Variants in ZHX3 observed in about 807,000 individuals in gnomAD.
The protein encoded by ZHX3 is zinc fingers and homeoboxes protein 3.
A neutral mutation model predicts 64.5 loss-of-function variants in ZHX3; 20 were observed. The ratio of observed to expected loss-of-function variants is 0.31; its 90% confidence interval spans 0.22 to 0.45. ZHX3 has a LOEUF of 0.45. Ranked by LOEUF, ZHX3 falls within the 20% of genes least tolerant of loss-of-function variation. The pLI, the probability that ZHX3 is intolerant of heterozygous loss-of-function variation, is 1.00. For missense variants in ZHX3, 1,041 were observed against 1,195.8 expected, an observed-to-expected ratio of 0.87 and a Z score of 1.91; for synonymous variants, 423 against 461.6, an observed-to-expected ratio of 0.92 and a Z score of 1.07.
chr20:41,203,999 A>G lies in ZHX3; in HGVS notation c.918T>C (p.Ile306=). Residue 306 remains isoleucine (I), a synonymous_variant, in exon 3 of 4, where the codon ATT becomes ATC. Coordinates refer to ENST00000683867, the MANE Select transcript of ZHX3 (RefSeq NM_001384317.1). The surrounding 1 kb of genome is among the most constrained non-coding windows in gnomAD (Gnocchi z 7.1). ...LPKVMIPLSS[I]PTYNAAMDSN... is the part of the protein sequence containing the mutation. ...AGTCCATGGCTGCATTGTACGTTGG[A>G]ATGCTGCTCAGGGGGATCATCACTT... is the stretch of plus-strand genomic sequence containing the variant. 3 of 1,614,184 alleles carry G rather than the reference A, an allele frequency of 1.9e-6. No homozygotes were observed. Among genetic ancestry groups the G allele is most frequent in the Non-Finnish European group, 2.5e-6 (3 of 1,180,034 alleles).
intron 1 of ZHX3, among the ~76,000 whole-genome samples, chr20:41,276,903 C>A (rs1328861788): frequency 2.0e-5 from 3 of 152,200 alleles, no homozygotes; most frequent in Admixed American, 2.0e-4. Context: ...GATATTCACA[C>A]AATAGAATAC....
At chr20:41,252,853 C>A (rs2042055918) in intron 2 of ZHX3, among the ~76,000 whole-genome samples, 1 of 152,150 alleles carries the variant, frequency 6.6e-6, no homozygotes, top group South Asian at 2.1e-4. Flanking sequence ...CCATTAAAGT[C>A]AAAACTGAAA....
chr20:41,189,532 T>C (rs577321110), intron 3 of ZHX3, among the ~76,000 whole-genome samples: 1 of 152,224 alleles, frequency 6.6e-6, no homozygotes, highest in Non-Finnish European at 1.5e-5. Context: ...CAGTTTTCCT[T>C]GCAGAGATCT....
At position 41,184,853 on chromosome 20, in the gene ZHX3, C is replaced by A. The variant is rs1417978628; in HGVS notation, c.*338G>T. 1.4e-6 allele frequency: 2 copies of A among 1,454,006 alleles called. No individual in the cohort carries two copies. The highest frequency in any genetic ancestry group is 9.1e-7 in the Non-Finnish European group (1 of 1,099,532). The allele number at this position is 1,454,006 out of a possible 1,614,324, so 90.1% of individuals were successfully genotyped here. On this transcript the variant is annotated 3_prime_UTR_variant, in exon 4 of 4. Coordinates refer to ENST00000683867, the MANE Select transcript of ZHX3 (RefSeq NM_001384317.1). ...GTTGATAATCTGATGTTTTATTTAA[C>A]ATATAGAGGTGGATGTATATGTTAA...
In ZHX3 at chr20:41,202,723, G is replaced by A. The variant is rs1465397608; in HGVS notation, c.2194C>T (p.Leu732=). 6.2e-7 allele frequency: 1 copy of A among 1,614,006 alleles called. No homozygotes were observed. Among genetic ancestry groups the A allele is most frequent in the African/African-American group, 1.3e-5 (1 of 74,902 alleles). ...VSPIKINLKN[L]RVTEANGRNE... is the part of the protein sequence containing the mutation. ...CTGCCATTGGCTTCAGTGACCCTCA[G>A]GTTCTTCAGGTTGATTTTAATGGGG... Residue 732 remains leucine (L), a synonymous_variant, in exon 3 of 4, where the codon CTG becomes TTG. Transcript: ENST00000683867. This position sits in a 1 kb window ranked among gnomAD's most constrained non-coding sequence, Gnocchi z 7.0.
chr20:41,269,928 A>G (rs2043048788), intron 1 of ZHX3, among the ~76,000 whole-genome samples: 1 of 151,854 alleles, frequency 6.6e-6, no homozygotes, highest in South Asian at 2.1e-4. Context: ...ACTTCTTAAC[A>G]CCAGCATCTT....
chr20:41,243,870 G>A (rs2095858015), intron 2 of ZHX3, among the ~76,000 whole-genome samples: 1 of 152,144 alleles, frequency 6.6e-6, no homozygotes, highest in Admixed American at 6.5e-5. Flanking sequence ...CTGGAGTGAG[G>A]ATGAAGGAAA....
At chr20:41,186,884 T>G (rs2036566308) in intron 3 of ZHX3, among the ~76,000 whole-genome samples, 1 of 152,258 alleles carries the variant, frequency 6.6e-6, no homozygotes. Flanking sequence ...TCTTATCAGA[T>G]GTATGATTTT....
intron 1 of ZHX3, among the ~76,000 whole-genome samples, chr20:41,315,609 G>A (rs1480326558): frequency 6.6e-6 from 1 of 151,966 alleles, no homozygotes; most frequent in Non-Finnish European, 1.5e-5. Context: ...AAAAGCTATT[G>A]GAGGGCTCTA....
At chr20:41,254,274 C>T (rs186706219) in intron 2 of ZHX3, among the ~76,000 whole-genome samples, 2 of 152,304 alleles carry the variant, frequency 1.3e-5, no homozygotes, top group African/African-American at 4.8e-5. Flanking sequence ...ACGTACTAGG[C>T]ACACACTCTA....
intron 2 of ZHX3, among the ~76,000 whole-genome samples, chr20:41,249,530 T>C (rs2041881805): frequency 1.3e-5 from 2 of 152,186 alleles, no homozygotes; most frequent in African/African-American, 4.8e-5. Flanking sequence ...TAGCCTGCAC[T>C]GGGCGGCCAA....
At chr20:41,285,606 C>A (rs1228125938) in intron 1 of ZHX3, among the ~76,000 whole-genome samples, 1 of 152,176 alleles carries the variant, frequency 6.6e-6, no homozygotes, top group African/African-American at 2.4e-5. Context: ...TTTACTGTAT[C>A]AATAAACTGA....
chr20:41,250,070 G>A (rs2041914823), intron 2 of ZHX3, among the ~76,000 whole-genome samples: 1 of 152,032 alleles, frequency 6.6e-6, no homozygotes, highest in Non-Finnish European at 1.5e-5. Context: ...CAACTACAGG[G>A]CCCCCAGGAA....
At chr20:41,218,616 G>C (rs1010150770) in intron 2 of ZHX3, among the ~76,000 whole-genome samples, 2 of 152,148 alleles carry the variant, frequency 1.3e-5, no homozygotes, top group African/African-American at 4.8e-5. Context: ...CGGTAAGTCA[G>C]TAGGACTCTA....
In ZHX3 at chr20:41,204,662, T is replaced by C. The variant is rs765792371; in HGVS notation, c.255A>G (p.Arg85=). Residue 85 remains arginine (R), a synonymous_variant, in exon 3 of 4, where the codon AGA becomes AGG. Transcript: ENST00000683867. The surrounding 1 kb of genome is among the most constrained non-coding windows in gnomAD (Gnocchi z 6.6). Reference sequence around the variant, plus strand: ...CCACAAATTGGGTCATGTCATGGGATCTGAAATCGCAGTATTTACAGGAAT... The same window carrying C: ...CCACAAATTGGGTCATGTCATGGGACCTGAAATCGCAGTATTTACAGGAAT... ...YLYSCKYCDF[R]SHDMTQFVGH... The C allele has an allele frequency of 6.2e-7, 1 of 1,614,232 alleles. No individual in the cohort carries two copies. The highest frequency in any genetic ancestry group is 1.7e-5 in the Admixed American group (1 of 60,024).
chr20:41,272,745 T>A (rs1012466459), intron 1 of ZHX3, among the ~76,000 whole-genome samples: 4 of 152,206 alleles, frequency 2.6e-5, no homozygotes. Flanking sequence ...TTCCACTGTA[T>A]ATAGATGCAC....
chr20:41,238,992 CTTTTTTTTTTTTT>C (rs36076017), intron 2 of ZHX3, among the ~76,000 whole-genome samples: 18 of 86,326 alleles, frequency 2.1e-4, no homozygotes, highest in Admixed American at 1.6e-3. Flanking sequence ...TTTTCTCTCT[CTTTTTTTTTTTTT>C]TTTTTTTTTT....
In ZHX3 at chr20:41,200,344, A is replaced by AT. The variant is rs1350701575; in HGVS notation, c.2860+1712dup. Among the ~76,000 whole-genome samples, 1 of 152,190 alleles carries AT rather than the reference A, an allele frequency of 6.6e-6. No individual in the cohort carries two copies. Among genetic ancestry groups the AT allele is most frequent in the Non-Finnish European group, 1.5e-5 (1 of 68,038 alleles). Reference sequence around the variant, plus strand: ...TCAAACATCCTCATCTCTCTTGAGCATGACACCCTGGCCTACTGGTATATT... The same window carrying AT: ...TCAAACATCCTCATCTCTCTTGAGCATTGACACCCTGGCCTACTGGTATATT... On this transcript the variant is annotated intron_variant, in intron 3 of 3. Transcript: ENST00000683867. The surrounding 1 kb of genome is among the most constrained non-coding windows in gnomAD (Gnocchi z 4.2).
At chr20:41,312,778 C>G (rs1291661879) in intron 1 of ZHX3, among the ~76,000 whole-genome samples, 2 of 152,102 alleles carry the variant, frequency 1.3e-5, no homozygotes, top group Non-Finnish European at 2.9e-5. Flanking sequence ...ATCTGACAAG[C>G]ATGGCAAACA....
Sources: gnomAD v4.1 joint callset for allele counts (sites outside exome capture counted in the v4.1 genomes callset) on GRCh38, gnomAD v4.1.1 for gene constraint, Gnocchi (gnomAD v3.1) non-coding constraint, MANE v1.5 for transcripts, NCBI Gene and HGNC (gene_info 2026-07-23, HGNC 2026-07-21) for gene names.